ST3GAL4: variants seen among roughly 807,000 people sequenced by gnomAD.
ST3GAL4 encodes the protein CMP-N-acetylneuraminate-beta-galactosamide-alpha-2,3-sialyltransferase 4.
In ST3GAL4, 24 loss-of-function variants were observed where a neutral mutation model predicts 42.6. The observed-to-expected ratio is 0.56, with a 90% CI of 0.41 to 0.79. The LOEUF is 0.79. Ranked by LOEUF, ST3GAL4 falls within the 30% of genes least tolerant of loss-of-function variation. The pLI is 0.00. For synonymous variants in ST3GAL4, 135 were observed against 163.2 expected (o/e 0.83, Z 1.32); for missense variants, 311 against 430.8 (o/e 0.72, Z 2.46).
In ST3GAL4 at chr11:126,384,660, A is replaced by G. The variant is rs947023873; in HGVS notation, c.-60-21436A>G. On this transcript the variant is annotated intron_variant, in intron 1 of 10. Transcript: ENST00000444328. This position sits in a 1 kb window ranked among gnomAD's most constrained non-coding sequence, Gnocchi z 5.5. ...CAGGATGTGCTACACCCAGACAGAC[A>G]GATGGAGAGCCACCTCCCTAGGGGC... 9 of 984,796 alleles carry G rather than the reference A, an allele frequency of 9.1e-6. No individual in the cohort carries two copies. The highest frequency in any genetic ancestry group is 1.1e-5 in the Non-Finnish European group (9 of 829,494). The allele number at this position is 984,796 out of a possible 1,614,324, so 61.0% of individuals were successfully genotyped here.
intron 7 of ST3GAL4, 41 bp downstream of exon 7, chr11:126,408,235 G>A: frequency 6.2e-7 from 1 of 1,613,120 alleles, no homozygotes; most frequent in Non-Finnish European, 8.5e-7. Context: ...TTGGGAACTG[G>A]ATGTCCGAGC....
rs1954469436 is a variant in ST3GAL4 at position 126,410,394 on chromosome 11, G to A, written c.771+983G>A. 6.6e-6 allele frequency among the ~76,000 whole-genome samples: 1 copy of A among 152,144 alleles called. No homozygotes were observed. The highest frequency in any genetic ancestry group is 2.1e-4 in the South Asian group (1 of 4,826). ...GGCCGTGTGGGATGGTGAGAGACAG[G>A]CACTAGCAGACACAGGTATGGCGCT... On this transcript the variant is annotated intron_variant, in intron 9 of 10. Transcript: ENST00000444328. This position sits in a 1 kb window ranked among gnomAD's most constrained non-coding sequence, Gnocchi z 5.3.
intron 1 of ST3GAL4, among the ~76,000 whole-genome samples, chr11:126,372,187 G>A (rs1952680940): frequency 6.6e-6 from 1 of 152,134 alleles, no homozygotes; most frequent in Non-Finnish European, 1.5e-5. Context: ...TCGTCAAACT[G>A]AAACATCCTC....
chr11:126,371,163 C>CTTTTTTTTGTTTTTTTTTTTTTTTTT (rs1952629187), intron 1 of ST3GAL4, among the ~76,000 whole-genome samples: 1 of 59,974 alleles, frequency 1.7e-5, no homozygotes, highest in African/African-American at 7.1e-5. Context: ...CCCCACATTC[C>CTTTTTTTTGTTTTTTTTTTTTTTTTT]TTTTTTTTTT....
chr11:126,411,186 C>T lies in ST3GAL4; in HGVS notation c.771+1775C>T, dbSNP rs980882892. ...TTTGAGATGGAGTCTTGCTCTGTCA[C>T]CCAGGCTGGAGTGCAGTGGGGTGAT... On this transcript the variant is annotated intron_variant, in intron 9 of 10. Transcript: ENST00000444328. The surrounding 1 kb of genome is among the most constrained non-coding windows in gnomAD (Gnocchi z 6.3). Among the ~76,000 whole-genome samples, 1 of 151,654 alleles carries T rather than the reference C, an allele frequency of 6.6e-6. No individual in the cohort carries two copies. The highest frequency in any genetic ancestry group is 2.4e-5 in the African/African-American group (1 of 41,294).
intron 8 of ST3GAL4, 89 bp downstream of exon 8, chr11:126,408,585 A>C (rs1389269403): frequency 2.1e-6 from 3 of 1,459,240 alleles, no homozygotes; most frequent in Admixed American, 3.8e-5. Flanking sequence ...TCCGCCTGGC[A>C]GTCCTAAAGA....
In ST3GAL4 at chr11:126,384,812, C is replaced by T. The variant is rs1419021798; in HGVS notation, c.-60-21284C>T. On this transcript the variant is annotated intron_variant, in intron 1 of 10. Coordinates refer to ENST00000444328, the MANE Select transcript of ST3GAL4 (RefSeq NM_001254757.2). This position sits in a 1 kb window ranked among gnomAD's most constrained non-coding sequence, Gnocchi z 5.5. Reference sequence around the variant, plus strand: ...CAGTGCCTCTGCCTGTCTCCCTGGCCGTGGCAGGTCCTTTGTCACATATGG... The same window carrying T: ...CAGTGCCTCTGCCTGTCTCCCTGGCTGTGGCAGGTCCTTTGTCACATATGG... 4.2e-5 allele frequency: 41 copies of T among 985,196 alleles called. No homozygotes were observed. The highest frequency in any genetic ancestry group is 4.7e-5 in the Non-Finnish European group (39 of 829,912). 61.0% of individuals were successfully genotyped at this position (985,196 alleles called of 1,614,324 possible). A position where few individuals can be genotyped will look rare whatever the true frequency, so the allele number is the denominator to read the frequency against.
rs111986424 is a variant in ST3GAL4, at chr11:126,410,905, C to T, written c.771+1494C>T. Among the ~76,000 whole-genome samples the T allele has an allele frequency of 6.6e-4, 100 of 152,242 alleles. 1 individual carries two copies. Among genetic ancestry groups the T allele is most frequent in the Admixed American group, 2.0e-3 (30 of 15,294 alleles). Reference sequence around the variant, plus strand: ...TCCCCAGAGGAGGTGGTGCTGGAGCCGGGCCTGGAAGGATCAGGCAGAGAG... The same window carrying T: ...TCCCCAGAGGAGGTGGTGCTGGAGCTGGGCCTGGAAGGATCAGGCAGAGAG... On this transcript the variant is annotated intron_variant, in intron 9 of 10. Coordinates refer to ENST00000444328, the MANE Select transcript of ST3GAL4 (RefSeq NM_001254757.2). The surrounding 1 kb of genome is among the most constrained non-coding windows in gnomAD (Gnocchi z 5.3).
Position 126,409,701 on chromosome 11 carries a change from G to A in ST3GAL4, c.771+290G>A, listed in dbSNP as rs1954434769. Reference sequence around the variant, plus strand: ...GCGCTGGTCAGAATTTGTCAACTGGGGAGCTGCTGGAACAGTCAGTGGTCT... The same window carrying A: ...GCGCTGGTCAGAATTTGTCAACTGGAGAGCTGCTGGAACAGTCAGTGGTCT... On this transcript the variant is annotated intron_variant, in intron 9 of 10. Coordinates refer to ENST00000444328, the MANE Select transcript of ST3GAL4 (RefSeq NM_001254757.2). This position sits in a 1 kb window ranked among gnomAD's most constrained non-coding sequence, Gnocchi z 4.9. Among the ~76,000 whole-genome samples, 1 of 152,140 alleles carries A rather than the reference G, an allele frequency of 6.6e-6. No homozygotes were observed. Among genetic ancestry groups the A allele is most frequent in the African/African-American group, 2.4e-5 (1 of 41,414 alleles).
intron 1 of ST3GAL4, among the ~76,000 whole-genome samples, chr11:126,380,249 G>A (rs973738481): frequency 2.7e-5 from 4 of 149,748 alleles, no homozygotes; most frequent in East Asian, 1.9e-4. Context: ...GTGACACAGC[G>A]AGACTGTATC....
In ST3GAL4 at chr11:126,406,548, A is replaced by G; in HGVS notation, c.92A>G (p.Tyr31Cys). The G allele has an allele frequency of 1.2e-6, 2 of 1,614,186 alleles. No homozygotes were observed. The highest frequency in any genetic ancestry group is 1.7e-6 in the Non-Finnish European group (2 of 1,180,032). Residue 31 changes from tyrosine to cysteine, a missense_variant, in exon 3 of 11, where the codon TAC becomes TGC. Transcript: ENST00000444328. This position sits in a 1 kb window ranked among gnomAD's most constrained non-coding sequence, Gnocchi z 5.4. ...TATTCCATCTCCCGGGAAGACAGGT[A>G]CATCGAGCTGTGAGTTCACCTTCCA... ...VWYSISREDR[Y>C]IELFYFPIPE...
intron 1 of ST3GAL4, chr11:126,375,103 G>C (rs1952785705): frequency 6.6e-6 from 1 of 152,288 alleles, no homozygotes; most frequent in South Asian, 2.1e-4. Flanking sequence ...CAGCCCGGGA[G>C]ACCTGGCCTA....
At chr11:126,364,097 T>C (rs1262391932) in intron 1 of ST3GAL4, among the ~76,000 whole-genome samples, 1 of 152,188 alleles carries the variant, frequency 6.6e-6, no homozygotes, top group Non-Finnish European at 1.5e-5. Context: ...GTGCAGGGGC[T>C]CCCTGCCCGG....
In ST3GAL4 at chr11:126,384,414, G is replaced by T. The variant is rs147823182; in HGVS notation, c.-60-21682G>T. ...GACTCCAGGGCTGAACGTTGCCTTT[G>T]CTGTCCCTGCTTGGGGATTTTGGGG... On this transcript the variant is annotated intron_variant, in intron 1 of 10. Coordinates refer to ENST00000444328, the MANE Select transcript of ST3GAL4 (RefSeq NM_001254757.2). This position sits in a 1 kb window ranked among gnomAD's most constrained non-coding sequence, Gnocchi z 5.5. Among the ~76,000 whole-genome samples the T allele has an allele frequency of 9.9e-5, 15 of 152,164 alleles. No individual in the cohort carries two copies. In the East Asian group the frequency reaches 2.7e-3, roughly 28 times the overall value.
rs577032505 is a variant in ST3GAL4, at chr11:126,397,033, A to G, written c.-60-9063A>G. Among the ~76,000 whole-genome samples the G allele has an allele frequency of 6.6e-6, 1 of 152,134 alleles. No homozygotes were observed. Among genetic ancestry groups the G allele is most frequent in the East Asian group, 1.9e-4 (1 of 5,186 alleles). ...AGATGGCTGCTAAACACCCCATAATACACAAGACAGACCCCGCAACAGTGA... is the reference window on the plus strand; with the variant it reads ...AGATGGCTGCTAAACACCCCATAATGCACAAGACAGACCCCGCAACAGTGA... On this transcript the variant is annotated intron_variant, in intron 1 of 10. Transcript: ENST00000444328. This position sits in a 1 kb window ranked among gnomAD's most constrained non-coding sequence, Gnocchi z 5.0.
rs940352009 is a variant in ST3GAL4, at chr11:126,393,141, T to A, written c.-60-12955T>A. On this transcript the variant is annotated intron_variant, in intron 1 of 10. Transcript: ENST00000444328. This position sits in a 1 kb window ranked among gnomAD's most constrained non-coding sequence, Gnocchi z 5.9. ...TTATTTTTATAGAGACGGGGCAGAGTCTGCAGTCACATGCCTTGCAAGTAG... is the reference window on the plus strand; with the variant it reads ...TTATTTTTATAGAGACGGGGCAGAGACTGCAGTCACATGCCTTGCAAGTAG... 2.6e-5 allele frequency: 4 copies of A among 151,524 alleles called. No homozygotes were observed. The highest frequency in any genetic ancestry group is 9.7e-5 in the African/African-American group (4 of 41,176). The allele number at this position is 151,524 out of a possible 1,614,324, so 9.4% of individuals were successfully genotyped here. A position where few individuals can be genotyped will look rare whatever the true frequency, so the allele number is the denominator to read the frequency against.
intron 1 of ST3GAL4, among the ~76,000 whole-genome samples, chr11:126,402,076 G>T (rs1954020217): frequency 7.2e-6 from 1 of 139,562 alleles, no homozygotes; most frequent in Non-Finnish European, 1.6e-5. Context: ...TGTCTAGGTG[G>T]AAGGATTTGG....
At chr11:126,374,682 C>T (rs529464953) in intron 1 of ST3GAL4, among the ~76,000 whole-genome samples, 4 of 152,032 alleles carry the variant, frequency 2.6e-5, no homozygotes, top group Non-Finnish European at 5.9e-5. Context: ...CAGTAGAGCA[C>T]GTGTGTCTCT....
At chr11:126,369,437 A>G (rs563002525) in intron 1 of ST3GAL4, among the ~76,000 whole-genome samples, 2 of 152,244 alleles carry the variant, frequency 1.3e-5, no homozygotes, top group South Asian at 2.1e-4. Flanking sequence ...TAGTAAAGAT[A>G]GGGTTTCCCC....
Sources: gnomAD v4.1 joint callset for allele counts (sites outside exome capture counted in the v4.1 genomes callset) on GRCh38, gnomAD v4.1.1 for gene constraint, Gnocchi (gnomAD v3.1) non-coding constraint, MANE v1.5 for transcripts, NCBI Gene and HGNC (gene_info 2026-07-23, HGNC 2026-07-21) for gene names.